ZC3H18: variants seen among roughly 807,000 people sequenced by gnomAD.
The protein encoded by ZC3H18 is zinc finger CCCH domain-containing protein 18.
A neutral mutation model predicts 106.1 loss-of-function variants in ZC3H18; 8 were observed. That is an observed-to-expected ratio of 0.08 (90% CI 0.04 to 0.14). The LOEUF (loss-of-function observed/expected upper bound fraction) is 0.14. Among genes scored for constraint, ZC3H18 ranks in the 10% least tolerant of loss-of-function variants. The pLI is 1.00. For synonymous variants in ZC3H18, 635 were observed against 522.1 expected (o/e 1.22, Z -2.95); for missense variants, 1,318 against 1,278.4 (o/e 1.03, Z -0.47).
At chr16:88,588,719 A>G (rs1915576268) in intron 3 of ZC3H18, among the ~76,000 whole-genome samples, 1 of 152,290 alleles carries the variant, frequency 6.6e-6, no homozygotes, top group Non-Finnish European at 1.5e-5. Context: ...TGTCTCTACA[A>G]AAAATGAAAA....
intron 4 of ZC3H18, 65 bp downstream of exon 4, chr16:88,598,391 C>G (rs1904561665): frequency 1.3e-6 from 2 of 1,546,300 alleles, no homozygotes; most frequent in Non-Finnish European, 8.7e-7. Context: ...GAATCTCAAG[C>G]TTAAGACAAG....
intron 6 of ZC3H18, among the ~76,000 whole-genome samples, chr16:88,601,053 C>A (rs1052076528): frequency 3.9e-5 from 6 of 152,250 alleles, no homozygotes; most frequent in African/African-American, 1.4e-4. Flanking sequence ...CTTGGCCCTG[C>A]AAGGCCCTTC....
Position 88,631,901 on chromosome 16 carries a change from CGTCT to C in ZC3H18, c.*607_*610del, listed in dbSNP as rs1906715844. 1 of 295,990 alleles carries C rather than the reference CGTCT, an allele frequency of 3.4e-6. No individual in the cohort carries two copies. Among genetic ancestry groups the C allele is most frequent in the Non-Finnish European group, 6.6e-6 (1 of 151,972 alleles). The allele number at this position is 295,990 out of a possible 1,614,324, so 18.3% of individuals were successfully genotyped here. On this transcript the variant is annotated 3_prime_UTR_variant, in exon 18 of 18. Coordinates refer to ENST00000301011, the MANE Select transcript of ZC3H18 (RefSeq NM_144604.4). ...AAAAAGGCCAAGGGTGTTGTTGGGG[CGTCT>C]GTCTAATGTGGTGGGTCTTTTTTTG...
At chr16:88,599,329 A>AGT in intron 5 of ZC3H18, among the ~76,000 whole-genome samples, 1 of 152,304 alleles carries the variant, frequency 6.6e-6, no homozygotes, top group African/African-American at 2.4e-5. Flanking sequence ...CGTTGGCCCC[A>AGT]GTGTGTGAGC....
Position 88,612,325 on chromosome 16 carries a change from TCA to T in ZC3H18, c.1475+792_1475+793del, listed in dbSNP as rs529123939. Among the ~76,000 whole-genome samples the T allele has an allele frequency of 2.3e-3, 349 of 152,178 alleles. 2 individuals are homozygous for T. Among genetic ancestry groups the T allele is most frequent in the African/African-American group, 8.2e-3 (342 of 41,504 alleles). On this transcript the variant is annotated intron_variant, in intron 8 of 17. Transcript: ENST00000301011. ...GTACAATCAGTGGTTTCTAGAATAT[TCA>T]CAGAGTTGTGCAGCCATCATCGCAA...
At chr16:88,604,502 T>A (rs929002113) in intron 6 of ZC3H18, among the ~76,000 whole-genome samples, 1 of 151,994 alleles carries the variant, frequency 6.6e-6, no homozygotes, top group African/African-American at 2.4e-5. Context: ...CTGGCTAACA[T>A]GGTGAAACCC....
Position 88,630,474 on chromosome 16 carries a change from C to T in ZC3H18, c.2567-11C>T, listed in dbSNP as rs747380358. 1.2e-6 allele frequency: 2 copies of T among 1,611,494 alleles called. No individual in the cohort carries two copies. Among genetic ancestry groups the T allele is most frequent in the Non-Finnish European group, 1.7e-6 (2 of 1,178,784 alleles). Reference sequence around the variant, plus strand: ...TCAGGAGGGTGGTCTCACTCTGTACCTATCACCCAGGTTCTCGGGACCGGA... The same window carrying T: ...TCAGGAGGGTGGTCTCACTCTGTACTTATCACCCAGGTTCTCGGGACCGGA... On this transcript the variant is annotated splice_polypyrimidine_tract_variant and intron_variant, in intron 16 of 17. Transcript: ENST00000301011.
intron 8 of ZC3H18, among the ~76,000 whole-genome samples, chr16:88,617,641 G>A (rs1301964650): frequency 6.6e-6 from 1 of 152,224 alleles, no homozygotes; most frequent in Non-Finnish European, 1.5e-5. Flanking sequence ...GCAGCTTTGG[G>A]TGCCCCTTCA....
At chr16:88,620,242 G>A (rs1005025907) in intron 8 of ZC3H18, among the ~76,000 whole-genome samples, 4 of 152,248 alleles carry the variant, frequency 2.6e-5, no homozygotes, top group East Asian at 1.9e-4. Flanking sequence ...TGAGCAAGAC[G>A]TAGGGCAGAG....
At chr16:88,578,132 T>G (rs1914879319) in intron 2 of ZC3H18, among the ~76,000 whole-genome samples, 1 of 152,160 alleles carries the variant, frequency 6.6e-6, no homozygotes, top group African/African-American at 2.4e-5. Flanking sequence ...CTTGTCAGGT[T>G]TTTGGACTGA....
At chr16:88,591,431 G>T (rs1209887095) in intron 3 of ZC3H18, among the ~76,000 whole-genome samples, 2 of 152,164 alleles carry the variant, frequency 1.3e-5, no homozygotes, top group African/African-American at 4.8e-5. Flanking sequence ...AATTAGCTGG[G>T]GGTGGTAGAG....
At chr16:88,610,740 CT>C (rs1193248040) in intron 7 of ZC3H18, among the ~76,000 whole-genome samples, 33 of 152,210 alleles carry the variant, frequency 2.2e-4, no homozygotes, top group Admixed American at 2.1e-3. Context: ...GAGGAGCAGT[CT>C]TTTGGGTGCC....
At chr16:88,611,842 G>A (rs752627514) in intron 8 of ZC3H18, among the ~76,000 whole-genome samples, 2 of 152,190 alleles carry the variant, frequency 1.3e-5, no homozygotes, top group South Asian at 2.1e-4. Flanking sequence ...TTTAATAGGC[G>A]CTGCCCTTGT....
At chr16:88,608,324 A>C (rs1230667319) in intron 6 of ZC3H18, among the ~76,000 whole-genome samples, 2 of 150,696 alleles carry the variant, frequency 1.3e-5, no homozygotes, top group Non-Finnish European at 3.0e-5. Flanking sequence ...TATTTTTATC[A>C]TGCTAAAGTA....
At chr16:88,585,080 A>C (rs553510473) in intron 2 of ZC3H18, among the ~76,000 whole-genome samples, 1 of 152,328 alleles carries the variant, frequency 6.6e-6, no homozygotes, top group Admixed American at 6.5e-5. Flanking sequence ...ACACAAACTA[A>C]AAGACCAGAG....
Position 88,630,566 on chromosome 16 carries a change from C to T in ZC3H18, c.2648C>T (p.Ala883Val), listed in dbSNP as rs1300000160. 3 of 1,607,544 alleles carry T rather than the reference C, an allele frequency of 1.9e-6. No individual in the cohort carries two copies. Residue 883 changes from alanine (A) to valine (V), a missense_variant, in exon 17 of 18, where the codon GCA becomes GTA. Coordinates refer to ENST00000301011, the MANE Select transcript of ZC3H18 (RefSeq NM_144604.4). ...RQRGQNSKAP[A>V]APADRKRQLS... ...AGAGGCCAGAACTCCAAAGCCCCTGCAGCCCCGGCTGACAGGTGAGTCCCA... is the reference window on the plus strand; with the variant it reads ...AGAGGCCAGAACTCCAAAGCCCCTGTAGCCCCGGCTGACAGGTGAGTCCCA...
chr16:88,625,243 A>G lies in ZC3H18; in HGVS notation c.2084A>G (p.Tyr695Cys), dbSNP rs1422597218. The G allele has an allele frequency of 9.4e-6, 15 of 1,594,594 alleles. No homozygotes were observed. The highest frequency in any genetic ancestry group is 2.3e-5 in the East Asian group (1 of 43,790). Reference sequence around the variant, plus strand: ...AGCGGCAGTGGCAGTGGTAGCAGCTATAGTGGTTCCAGCTCCCGATCCAGG... The same window carrying G: ...AGCGGCAGTGGCAGTGGTAGCAGCTGTAGTGGTTCCAGCTCCCGATCCAGG... ...SGSGSGSGSS[Y>C]SGSSSRSRSL... Residue 695 changes from tyrosine to cysteine, a missense_variant, in exon 13 of 18, where the codon TAT becomes TGT. This residue lies in a region of ZC3H18 where 848 missense variants were observed against 821.7 expected (regional missense o/e 1.03). Transcript: ENST00000301011.
intron 5 of ZC3H18, among the ~76,000 whole-genome samples, chr16:88,598,976 G>T (rs1040881198): frequency 6.6e-6 from 1 of 152,052 alleles, no homozygotes; most frequent in African/African-American, 2.4e-5. Flanking sequence ...TCTCCTGCTC[G>T]GCCTCCCAAG....
chr16:88,575,019 C>T (rs1182250091), intron 1 of ZC3H18, among the ~76,000 whole-genome samples: 7 of 150,978 alleles, frequency 4.6e-5, no homozygotes, highest in Non-Finnish European at 5.9e-5. Flanking sequence ...TTAGTAGAGA[C>T]GGGGTTTCAC....
Sources: gnomAD v4.1 joint callset for allele counts (sites outside exome capture counted in the v4.1 genomes callset) on GRCh38, gnomAD v4.1.1 for gene constraint, gnomAD v4.1.1 regional missense constraint, MANE v1.5 for transcripts, NCBI Gene and HGNC (gene_info 2026-07-23, HGNC 2026-07-21) for gene names.